RALGAPA1: variants seen among roughly 807,000 people sequenced by gnomAD.
The protein encoded by RALGAPA1 is Ral GTPase activating protein catalytic subunit alpha 1, also known as ral GTPase-activating protein subunit alpha-1.
A neutral mutation model predicts 269.6 loss-of-function variants in RALGAPA1; 52 were observed. The ratio of observed to expected loss-of-function variants is 0.19; its 90% CI spans 0.15 to 0.24. The LOEUF is 0.24. Ranked by LOEUF, RALGAPA1 falls within the 10% of genes least tolerant of loss-of-function variation. The probability of loss-of-function intolerance (pLI) is 1.00; values close to 1 mark genes in which losing one functional copy is unlikely to be tolerated. For synonymous variants in RALGAPA1, 817 were observed against 1,008.3 expected (o/e 0.81, Z 3.60); for missense variants, 1,917 against 3,013.9 (o/e 0.64, Z 8.52).
chr14:35,677,228 A>T (rs1468800974), intron 22 of RALGAPA1: 1 of 152,332 alleles, frequency 6.6e-6, no homozygotes, highest in Non-Finnish European at 1.5e-5. Flanking sequence ...ATATAGTTTT[A>T]AATTTCTTCC....
At chr14:35,756,687 G>C (rs1000013026) in intron 7 of RALGAPA1, 106 bp downstream of exon 7, 4 of 788,492 alleles carry the variant, frequency 5.1e-6, no homozygotes, top group Non-Finnish European at 7.6e-6. Context: ...CTGACAAAAA[G>C]AAAATAAGCA....
intron 10 of RALGAPA1, among the ~76,000 whole-genome samples, chr14:35,745,689 G>T (rs773512485): frequency 4.0e-5 from 6 of 150,250 alleles, no homozygotes; most frequent in Non-Finnish European, 8.9e-5. Context: ...ACTTGAACCC[G>T]GGAGGCAGAG....
intron 10 of RALGAPA1, among the ~76,000 whole-genome samples, chr14:35,743,992 G>A (rs2071808172): frequency 1.3e-5 from 2 of 152,000 alleles, no homozygotes; most frequent in Admixed American, 6.6e-5. Context: ...GCAAAAATAC[G>A]CTTAATCTCA....
chr14:35,761,642 A>G (rs2073715720), intron 5 of RALGAPA1, among the ~76,000 whole-genome samples: 2 of 152,222 alleles, frequency 1.3e-5, no homozygotes, highest in South Asian at 4.1e-4. Flanking sequence ...CTGTACACAG[A>G]AGACAATAAA....
chr14:35,728,995 A>C (rs1595347428), intron 12 of RALGAPA1, among the ~76,000 whole-genome samples: 1 of 152,148 alleles, frequency 6.6e-6, no homozygotes. Context: ...TTGGCTTCCC[A>C]AATTGCTGCG....
intron 1 of RALGAPA1, among the ~76,000 whole-genome samples, chr14:35,808,465 G>T (rs927435841): frequency 1.3e-5 from 2 of 152,202 alleles, no homozygotes; most frequent in African/African-American, 2.4e-5. Context: ...AAGTCTTAAA[G>T]ATCTAAGTTT....
intron 39 of RALGAPA1, among the ~76,000 whole-genome samples, chr14:35,566,008 A>C (rs1460061311): frequency 1.3e-5 from 2 of 152,194 alleles, no homozygotes; most frequent in African/African-American, 4.8e-5. Flanking sequence ...CTAGGATTAA[A>C]GCTGAAATAC....
intron 41 of RALGAPA1, among the ~76,000 whole-genome samples, chr14:35,541,086 G>A (rs71421944): frequency 9.5e-5 from 10 of 104,822 alleles, no homozygotes; most frequent in South Asian, 3.0e-4. Context: ...TCACTCTGTC[G>A]CCAGGCTGGA....
At chr14:35,748,402 T>C in intron 10 of RALGAPA1, 183 bp downstream of exon 10, 1 of 394,168 alleles carries the variant, frequency 2.5e-6, no homozygotes. Context: ...TTTTAAGAGA[T>C]GCGGTCTCTC....
At chr14:35,793,732 C>T (rs530818888) in intron 1 of RALGAPA1, among the ~76,000 whole-genome samples, 12 of 152,120 alleles carry the variant, frequency 7.9e-5, no homozygotes, top group Non-Finnish European at 1.5e-4. Flanking sequence ...CCTTAGGTAC[C>T]AGGAAATCTA....
At chr14:35,569,773 A>T (rs960002094) in intron 39 of RALGAPA1, among the ~76,000 whole-genome samples, 1 of 152,158 alleles carries the variant, frequency 6.6e-6, no homozygotes, top group Admixed American at 6.5e-5. Context: ...CATCCAGGTG[A>T]GTGAGAGACC....
chr14:35,598,287 C>T (rs2059046415), intron 36 of RALGAPA1, among the ~76,000 whole-genome samples: 1 of 152,038 alleles, frequency 6.6e-6, no homozygotes, highest in South Asian at 2.1e-4. Context: ...TCCAGTAATT[C>T]TCTTTGCTCT....
rs1228478521 is a variant in RALGAPA1, at chr14:35,678,003, A to G, written c.4571T>C (p.Leu1524Pro). The G allele has an allele frequency of 6.2e-7, 1 of 1,613,786 alleles. No homozygotes were observed. Among genetic ancestry groups the G allele is most frequent in the Admixed American group, 1.7e-5 (1 of 59,906 alleles). The change falls in exon 22 of 42, where the codon CTG (leucine) becomes CCG (proline). Residue 1524 changes from leucine to proline, a missense_variant. By Grantham distance (98) the Leu-to-Pro change is moderately conservative. Coordinates refer to ENST00000680220, the MANE Select transcript of RALGAPA1 (RefSeq NM_001346249.2). ...LNIDHMEQKDLQLDEKLHHSV... is the reference protein window; with the variant it reads ...LNIDHMEQKDPQLDEKLHHSV... ...GTGGTGGAGCTTCTCGTCGAGCTGCAGATCCTTCTGTTCCATGTGATCTAT... is the reference window on the plus strand; with the variant it reads ...GTGGTGGAGCTTCTCGTCGAGCTGCGGATCCTTCTGTTCCATGTGATCTAT...
intron 39 of RALGAPA1, among the ~76,000 whole-genome samples, chr14:35,568,903 A>G (rs941635064): frequency 5.9e-5 from 9 of 152,190 alleles, no homozygotes; most frequent in Non-Finnish European, 1.0e-4. Flanking sequence ...ATAAATCTCT[A>G]CTTAGTGGAT....
chr14:35,763,406 A>G (rs980691120), intron 4 of RALGAPA1, among the ~76,000 whole-genome samples: 27 of 152,174 alleles, frequency 1.8e-4, no homozygotes, highest in Admixed American at 7.2e-4. Context: ...TCCCCAGAGG[A>G]AACCATTATC....
intron 13 of RALGAPA1, among the ~76,000 whole-genome samples, chr14:35,725,458 A>G (rs1475532429): frequency 6.6e-6 from 1 of 152,204 alleles, no homozygotes; most frequent in African/African-American, 2.4e-5. Context: ...CAAATTAAGT[A>G]GTGACCTTAA....
In RALGAPA1 at chr14:35,682,305, G is replaced by GT. The variant is rs943991657; in HGVS notation, c.4471+1503dup. Among the ~76,000 whole-genome samples the GT allele has an allele frequency of 3.2e-3, 467 of 143,856 alleles. 1 individual carries two copies. Among genetic ancestry groups the GT allele is most frequent in the African/African-American group, 4.1e-3 (162 of 39,574 alleles). The allele number at this position is 143,856 out of a possible 152,430, so 94.4% of individuals were successfully genotyped here. The stretch of plus-strand genomic sequence containing the variant: ...CAACACTTTGGATTGTCAGTGTGTG[G>GT]TTTTTTTTTTTTTGAGACGGAGTCT... On this transcript the variant is annotated intron_variant, in intron 21 of 41. Transcript: ENST00000680220.
At chr14:35,593,841 G>A (rs2058773800) in intron 37 of RALGAPA1, among the ~76,000 whole-genome samples, 2 of 151,970 alleles carry the variant, frequency 1.3e-5, no homozygotes, top group Non-Finnish European at 2.9e-5. Context: ...GTGAAAGAGT[G>A]AGACCCTGTC....
intron 28 of RALGAPA1, among the ~76,000 whole-genome samples, chr14:35,657,816 T>C (rs1352822659): frequency 6.6e-6 from 1 of 152,062 alleles, no homozygotes; most frequent in African/African-American, 2.4e-5. Context: ...CAGGGTTCTG[T>C]CATATCTAGA....
Sources: allele counts gnomAD v4.1 joint callset (sites outside exome capture counted in the v4.1 genomes callset), GRCh38; gene constraint gnomAD v4.1.1; transcripts MANE v1.5; gene names NCBI Gene and HGNC (gene_info 2026-07-23, HGNC 2026-07-21).